Variants in SH3BGRL observed in about 807,000 individuals in gnomAD.
The protein encoded by SH3BGRL is SH3 domain binding glutamate rich protein like.
Under a neutral mutation model 9.8 loss-of-function variants are expected in SH3BGRL, and 7 were observed. The ratio of observed to expected loss-of-function variants is 0.72; its 90% confidence interval spans 0.41 to 1.35. SH3BGRL has a LOEUF of 1.35. SH3BGRL is among the 40% of genes most tolerant of loss of function. SH3BGRL has a pLI of 0.01. For missense variants in SH3BGRL, 73 were observed against 84.4 expected (o/e 0.86, Z 0.53); for synonymous variants, 36 against 29.1 (o/e 1.24, Z -0.76).
intron 1 of SH3BGRL, among the ~76,000 whole-genome samples, chrX:81,239,513 G>A (rs1000673168): frequency 5.4e-5 from 6 of 111,449 alleles, no homozygotes; most frequent in Non-Finnish European, 9.4e-5. Flanking sequence ...TATGTAGCAC[G>A]CATACAGAAT....
At chrX:81,258,852 C>T (rs969747389) in intron 1 of SH3BGRL, among the ~76,000 whole-genome samples, 1 of 112,353 alleles carries the variant, frequency 8.9e-6, no homozygotes, top group Non-Finnish European at 1.9e-5. Flanking sequence ...TGTACAGGGA[C>T]AGATTGGACT....
intron 3 of SH3BGRL, among the ~76,000 whole-genome samples, chrX:81,295,331 A>C (rs1412715819): frequency 9.0e-6 from 1 of 111,503 alleles, no homozygotes; most frequent in Non-Finnish European, 1.9e-5. Flanking sequence ...TCATGAAGGC[A>C]GTTTCCTCCA....
At chrX:81,225,404 C>T (rs1235062049) in intron 1 of SH3BGRL, among the ~76,000 whole-genome samples, 1 of 110,733 alleles carries the variant, frequency 9.0e-6, no homozygotes, top group Non-Finnish European at 1.9e-5. Context: ...TCTCTCACCC[C>T]CCTTCCACCC....
chrX:81,246,485 T>C (rs1416475951), intron 1 of SH3BGRL, among the ~76,000 whole-genome samples: 1 of 111,934 alleles, frequency 8.9e-6, no homozygotes, highest in Admixed American at 9.5e-5. Flanking sequence ...AATTTTGTAC[T>C]TCATGAAAGG....
intron 3 of SH3BGRL, among the ~76,000 whole-genome samples, chrX:81,283,287 T>C (rs930738175): frequency 4.5e-5 from 5 of 111,430 alleles, no homozygotes; most frequent in Non-Finnish European, 9.4e-5. Context: ...CACAAGATAA[T>C]GAAAGAAGGA....
At chrX:81,293,435 CA>C (rs2075864408) in intron 3 of SH3BGRL, among the ~76,000 whole-genome samples, 1 of 112,042 alleles carries the variant, frequency 8.9e-6, no homozygotes, top group Admixed American at 9.4e-5. Context: ...GTAATCCCAG[CA>C]CTTTGGGAGG....
At chrX:81,297,098 T>C in intron 3 of SH3BGRL, 97 bp from the exon 4 acceptor site, 2 of 655,629 alleles carry the variant, frequency 3.1e-6, no homozygotes, top group Admixed American at 6.2e-5. Flanking sequence ...TTTTGTTTAT[T>C]CTTAGTAGTT....
intron 1 of SH3BGRL, among the ~76,000 whole-genome samples, chrX:81,265,906 T>C (rs778303319): frequency 2.0e-4 from 22 of 111,512 alleles, no homozygotes; most frequent in African/African-American, 6.5e-4. Flanking sequence ...CCATTCTAAC[T>C]GGCGATCTCG....
At chrX:81,268,566 A>G (rs1454051478) in intron 1 of SH3BGRL, among the ~76,000 whole-genome samples, 1 of 111,751 alleles carries the variant, frequency 8.9e-6, no homozygotes, top group Non-Finnish European at 1.9e-5. Context: ...ATTTGACTGC[A>G]CTGTGGTCTG....
At chrX:81,292,066 A>G (rs1396664991) in intron 3 of SH3BGRL, among the ~76,000 whole-genome samples, 1 of 109,872 alleles carries the variant, frequency 9.1e-6, no homozygotes, top group Non-Finnish European at 1.9e-5. Context: ...TTCTTCCTGG[A>G]GGCAGTGGCC....
intron 1 of SH3BGRL, among the ~76,000 whole-genome samples, chrX:81,249,836 A>G (rs188695584): frequency 4.0e-3 from 446 of 111,563 alleles, no homozygotes; most frequent in African/African-American, 0.014. Context: ...TTTTAATCTT[A>G]AAAACTAGTG....
intron 1 of SH3BGRL, among the ~76,000 whole-genome samples, chrX:81,221,281 T>C (rs755807133): frequency 1.7e-4 from 19 of 111,686 alleles, no homozygotes; most frequent in African/African-American, 5.5e-4. Flanking sequence ...TTTTGCCTTA[T>C]ATATCTGGGT....
intron 1 of SH3BGRL, among the ~76,000 whole-genome samples, chrX:81,218,082 T>A (rs2075586470): frequency 9.0e-6 from 1 of 111,220 alleles, no homozygotes; most frequent in Non-Finnish European, 1.9e-5. Flanking sequence ...CTGCTTGCTT[T>A]TGGTTTTCAT....
At chrX:81,250,493 C>T (rs1216362105) in intron 1 of SH3BGRL, among the ~76,000 whole-genome samples, 2 of 111,714 alleles carry the variant, frequency 1.8e-5, no homozygotes, top group Middle Eastern at 4.6e-3. Context: ...CCTGGTCTCA[C>T]GCATAATACT....
intron 1 of SH3BGRL, among the ~76,000 whole-genome samples, chrX:81,262,125 A>G (rs2075743178): frequency 9.0e-6 from 1 of 111,355 alleles, no homozygotes; most frequent in Admixed American, 9.6e-5. Context: ...CAAACTTCCC[A>G]GAAACTCTAG....
At chrX:81,233,018 T>G (rs760451457) in intron 1 of SH3BGRL, among the ~76,000 whole-genome samples, 7 of 111,758 alleles carry the variant, frequency 6.3e-5, no homozygotes, top group Non-Finnish European at 1.3e-4. Context: ...TTCTTCTCAC[T>G]GGAGGATATC....
chrX:81,273,177 T>G (rs928611430), intron 1 of SH3BGRL, among the ~76,000 whole-genome samples: 4 of 112,026 alleles, frequency 3.6e-5, no homozygotes, highest in Non-Finnish European at 7.5e-5. Context: ...AACTATAGAT[T>G]GTATGCAATA....
At chrX:81,210,617 G>T (rs1365212920) in intron 1 of SH3BGRL, among the ~76,000 whole-genome samples, 1 of 111,058 alleles carries the variant, frequency 9.0e-6, no homozygotes, top group Non-Finnish European at 1.9e-5. Flanking sequence ...AACTAGCCAG[G>T]TCACAGAGCT....
At chrX:81,222,650 T>C (rs917735867) in intron 1 of SH3BGRL, among the ~76,000 whole-genome samples, 7 of 111,286 alleles carry the variant, frequency 6.3e-5, no homozygotes, top group Admixed American at 5.7e-4. Flanking sequence ...CATGTGTCTT[T>C]ATAGCAGCAT....
Sources: gnomAD v4.1 joint callset for allele counts (sites outside exome capture counted in the v4.1 genomes callset) on GRCh38, gnomAD v4.1.1 for gene constraint, MANE v1.5 for transcripts, NCBI Gene and HGNC (gene_info 2026-07-23, HGNC 2026-07-21) for gene names.